RAB2B: variants seen among roughly 807,000 people sequenced by gnomAD.
RAB2B encodes the protein ras-related protein Rab-2B.
A neutral mutation model predicts 29.8 loss-of-function variants in RAB2B; 20 were observed. The ratio of observed to expected loss-of-function variants is 0.67; its 90% CI spans 0.47 to 0.97. The LOEUF is 0.97. Ranked by LOEUF, RAB2B falls within the 50% of genes least tolerant of loss-of-function variation. The pLI is 0.00. For missense variants in RAB2B, 218 were observed against 272.0 expected (o/e 0.80, Z 1.40); for synonymous variants, 93 against 91.7 (o/e 1.01, Z -0.08).
intron 3 of RAB2B, among the ~76,000 whole-genome samples, chr14:21,469,871 C>T (rs970066959): frequency 2.6e-5 from 4 of 151,778 alleles, no homozygotes; most frequent in Admixed American, 1.3e-4. Flanking sequence ...AAATGTGCTA[C>T]GAACTTTAAG....
At chr14:21,474,100 A>C (rs1594416843) in intron 3 of RAB2B, among the ~76,000 whole-genome samples, 1 of 152,162 alleles carries the variant, frequency 6.6e-6, no homozygotes, top group Admixed American at 6.5e-5. Context: ...CTGAGGCTGG[A>C]GAATTGCTTG....
In RAB2B at chr14:21,459,369, TG is replaced by T. The variant is rs1337177090; in HGVS notation, c.*1826del. On this transcript the variant is annotated 3_prime_UTR_variant, in exon 8 of 8. Transcript: ENST00000397762. ...ATAAAACCCAGGGTAAACAAATGAG[TG>T]GGGCAGAATTACAGAGAGAGGACTC... The T allele has an allele frequency of 6.6e-6, 1 of 151,890 alleles. No homozygotes were observed. Among genetic ancestry groups the T allele is most frequent in the Non-Finnish European group, 1.5e-5 (1 of 67,968 alleles). The allele number at this position is 151,890 out of a possible 1,614,324, so 9.4% of individuals were successfully genotyped here.
intron 3 of RAB2B, among the ~76,000 whole-genome samples, chr14:21,470,219 C>T (rs1751592045): frequency 6.6e-6 from 1 of 152,198 alleles, no homozygotes; most frequent in East Asian, 1.9e-4. Context: ...TCCCAAAGTG[C>T]TGGGATTACA....
At chr14:21,467,700 G>A (rs1035675816) in intron 5 of RAB2B, among the ~76,000 whole-genome samples, 1 of 152,158 alleles carries the variant, frequency 6.6e-6, no homozygotes, top group African/African-American at 2.4e-5. Flanking sequence ...ATATGATCCA[G>A]CAATCCCACT....
At chr14:21,471,110 C>G (rs1046826443) in intron 3 of RAB2B, among the ~76,000 whole-genome samples, 1 of 151,220 alleles carries the variant, frequency 6.6e-6, no homozygotes, top group African/African-American at 2.4e-5. Flanking sequence ...GAGGCAGAGG[C>G]TGCAGTAAGC....
Position 21,468,670 on chromosome 14 carries a change from C to A in RAB2B, c.269G>T (p.Arg90Met). ...CTCCCATGCACCAGATCTGGCTCAC[C>A]TTGTAATGTCGTACACCAGCAGTGC... ...AGALLVYDIT[R>M]RETFNHLTSW... The change falls in exon 4 of 8, where the codon AGG becomes ATG. Residue 90 changes from arginine (R) to methionine (M), a missense_variant and splice_region_variant. Arg to Met is a moderately conservative substitution (Grantham distance 91). Coordinates refer to ENST00000397762, the MANE Select transcript of RAB2B (RefSeq NM_032846.4). 2 of 1,559,482 alleles carry A rather than the reference C, an allele frequency of 1.3e-6. No individual in the cohort carries two copies. The highest frequency in any genetic ancestry group is 1.7e-6 in the Non-Finnish European group (2 of 1,157,622).
Position 21,461,047 on chromosome 14 carries a change from C to T in RAB2B, c.*149G>A. 1 of 592,232 alleles carries T rather than the reference C, an allele frequency of 1.7e-6. No individual in the cohort carries two copies. The highest frequency in any genetic ancestry group is 3.0e-6 in the Non-Finnish European group (1 of 331,096). The allele number at this position is 592,232 out of a possible 1,614,324, so 36.7% of individuals were successfully genotyped here. ...TGAAGGAGGACAGGTCAGTAAGGGCCCAAATTCTCTCCTGGTCTTTAGGTG... is the reference window on the plus strand; with the variant it reads ...TGAAGGAGGACAGGTCAGTAAGGGCTCAAATTCTCTCCTGGTCTTTAGGTG... On this transcript the variant is annotated 3_prime_UTR_variant, in exon 8 of 8. Coordinates refer to ENST00000397762, the MANE Select transcript of RAB2B (RefSeq NM_032846.4).
Position 21,460,183 on chromosome 14 carries a change from G to A in RAB2B, c.*1013C>T, listed in dbSNP as rs560615650. ...GAAAAAAACTCAATGAAATTCCGAG[G>A]CAGAGGATCTATCAACCAAAGGCCA... On this transcript the variant is annotated 3_prime_UTR_variant, in exon 8 of 8. Coordinates refer to ENST00000397762, the MANE Select transcript of RAB2B (RefSeq NM_032846.4). 1.2e-5 allele frequency: 6 copies of A among 518,938 alleles called. No individual in the cohort carries two copies. In the East Asian group the frequency reaches 3.3e-4, roughly 28 times the overall value. The allele number at this position is 518,938 out of a possible 1,614,324, so 32.1% of individuals were successfully genotyped here.
At chr14:21,464,549 T>G (rs761312097) in intron 5 of RAB2B, among the ~76,000 whole-genome samples, 26 of 152,192 alleles carry the variant, frequency 1.7e-4, no homozygotes, top group Admixed American at 3.3e-4. Flanking sequence ...CACAGTTGTC[T>G]TAAGTCTCAC....
chr14:21,476,845 T>A lies in RAB2B; in HGVS notation c.28A>T (p.Ile10Phe). 1 of 1,613,444 alleles carries A rather than the reference T, an allele frequency of 6.2e-7. No individual in the cohort carries two copies. The highest frequency in any genetic ancestry group is 8.5e-7 in the Non-Finnish European group (1 of 1,180,016). MTYAYLFKYIIIGDTGVGKS... is the reference protein window; with the variant it reads MTYAYLFKYFIIGDTGVGKS... ...GGGTTACCTGTGTCTCCGATGATGA[T>A]ATACTTGAAGAGATAAGCATAAGTC... is the stretch of plus-strand genomic sequence containing the variant. The change falls in exon 1 of 8, where the codon ATC becomes TTC. Residue 10 changes from isoleucine (I) to phenylalanine (F), a missense_variant. Coordinates refer to ENST00000397762, the MANE Select transcript of RAB2B (RefSeq NM_032846.4).
chr14:21,467,158 C>T (rs554034827), intron 5 of RAB2B, among the ~76,000 whole-genome samples: 2 of 152,062 alleles, frequency 1.3e-5, no homozygotes, highest in South Asian at 4.2e-4. Flanking sequence ...CTACCCACCT[C>T]GGCCTCCCAA....
intron 7 of RAB2B, among the ~76,000 whole-genome samples, chr14:21,461,691 C>T (rs899947297): frequency 6.6e-6 from 1 of 152,130 alleles, no homozygotes; most frequent in African/African-American, 2.4e-5. Flanking sequence ...TCAAGTGATC[C>T]TGCCTCAGCC....
In RAB2B at chr14:21,466,272, G is replaced by A. The variant is rs915861583; in HGVS notation, c.362+2085C>T. ...GGCCGAGGCAGGCGGATCGCCTGAG[G>A]TCAGGAGTTCAAGACCAGCCTGATC... is the stretch of plus-strand genomic sequence containing the variant. On this transcript the variant is annotated intron_variant, in intron 5 of 7. Transcript: ENST00000397762. Among the ~76,000 whole-genome samples the A allele has an allele frequency of 7.8e-4, 118 of 152,218 alleles. 2 individuals are homozygous for A. Among genetic ancestry groups the A allele is most frequent in the African/African-American group, 2.7e-3 (111 of 41,508 alleles).
At position 21,460,291 on chromosome 14, in the gene RAB2B, G is replaced by A. The variant is rs538896233; in HGVS notation, c.*905C>T. On this transcript the variant is annotated 3_prime_UTR_variant, in exon 8 of 8. Transcript: ENST00000397762. Reference sequence around the variant, plus strand: ...TGGGAAGTGGATTGTATATGCTTACGAAATTATTTATTTAGGCCAGGCACG... The same window carrying A: ...TGGGAAGTGGATTGTATATGCTTACAAAATTATTTATTTAGGCCAGGCACG... 14 of 517,982 alleles carry A rather than the reference G, an allele frequency of 2.7e-5. No individual in the cohort carries two copies. The highest frequency in any genetic ancestry group is 8.4e-5 in the South Asian group (6 of 71,568). 32.1% of individuals were successfully genotyped at this position (517,982 alleles called of 1,614,324 possible). A position where few individuals can be genotyped will look rare whatever the true frequency, so the allele number is the denominator to read the frequency against.
At chr14:21,466,904 T>G (rs1035170597) in intron 5 of RAB2B, among the ~76,000 whole-genome samples, 14 of 145,930 alleles carry the variant, frequency 9.6e-5, no homozygotes, top group Non-Finnish European at 1.9e-4. Flanking sequence ...TATTTAAGAA[T>G]GAAATAATTT....
chr14:21,468,424 A>G lies in RAB2B; in HGVS notation c.295T>C (p.Ser99Pro). 1 of 1,613,970 alleles carries G rather than the reference A, an allele frequency of 6.2e-7. No homozygotes were observed. The highest frequency in any genetic ancestry group is 8.5e-7 in the Non-Finnish European group (1 of 1,180,006). Residue 99 changes from serine to proline, a missense_variant, in exon 5 of 8, where the codon TCA (serine) becomes CCA (proline). Ser to Pro is a moderately conservative substitution (Grantham distance 74). Transcript: ENST00000397762. ...TRRETFNHLT[S>P]WLEDARQHSS... ...TGCTGCCGGGCATCCTCTAACCATG[A>G]GGTCAGGTGGTTGAAGGTTTCACGC...
intron 5 of RAB2B, 118 bp downstream of exon 5, chr14:21,468,239 A>ATTT: frequency 2.5e-5 from 15 of 590,404 alleles, no homozygotes; most frequent in Admixed American, 3.4e-5. Flanking sequence ...TCACAACAAA[A>ATTT]TTTTTTTTTT....
chr14:21,466,578 A>G (rs1483231105), intron 5 of RAB2B, among the ~76,000 whole-genome samples: 2 of 152,206 alleles, frequency 1.3e-5, no homozygotes, highest in Non-Finnish European at 2.9e-5. Context: ...CACTACTACA[A>G]ACTCACAAGG....
At chr14:21,462,270 TA>T in intron 7 of RAB2B, 79 bp downstream of exon 7, 2 of 1,115,542 alleles carry the variant, frequency 1.8e-6, no homozygotes, top group South Asian at 1.6e-5. Flanking sequence ...ATGGGGAATG[TA>T]AGCATTCCAT....
Sources: gnomAD v4.1 joint callset for allele counts (sites outside exome capture counted in the v4.1 genomes callset) on GRCh38, gnomAD v4.1.1 for gene constraint, MANE v1.5 for transcripts, NCBI Gene and HGNC (gene_info 2026-07-23, HGNC 2026-07-21) for gene names.